The following SARS2 variants were observed in gnomAD, a reference collection of about 807,000 sequenced individuals.
SARS2 encodes the protein seryl-tRNA synthetase 2, mitochondrial, also known as serine--tRNA ligase, mitochondrial.
A neutral mutation model predicts 66.8 loss-of-function variants in SARS2; 52 were observed. That is an observed-to-expected ratio of 0.78 (90% CI 0.62 to 0.98). The LOEUF (loss-of-function observed/expected upper bound fraction) is 0.98, where lower values mean the gene tolerates loss of function less well. SARS2 is among the 50% of genes least tolerant of loss of function. SARS2 has a pLI of 0.00. For synonymous variants in SARS2, 306 were observed against 281.4 expected (o/e 1.09, Z -0.87); for missense variants, 673 against 706.3 (o/e 0.95, Z 0.53).
rs761305168 is a variant in SARS2 at position 38,919,842 on chromosome 19, G to T, written c.679C>A (p.Arg227=). Reference sequence around the variant, plus strand: ...CCAGCCCCGCGCAGGTAATAGGACCGGTGGCCAGACACGTGGGACAGGCGC... The same window carrying T: ...CCAGCCCCGCGCAGGTAATAGGACCTGTGGCCAGACACGTGGGACAGGCGC... The part of the protein sequence containing the change: ...QKRLSHVSGH[R]SYYLRGAGAL... The change falls in exon 7 of 16, where the codon CGG becomes AGG. Residue 227 remains arginine (R), a synonymous_variant. Coordinates refer to ENST00000221431, the MANE Select transcript of SARS2 (RefSeq NM_017827.4). 5.0e-6 allele frequency: 8 copies of T among 1,614,002 alleles called. No individual in the cohort carries two copies. The African/African-American group carries it at 1.1e-4, about 22-fold the overall frequency.
At position 38,916,909 on chromosome 19, in the gene SARS2, T is replaced by C. The variant is rs575164773; in HGVS notation, c.1161-595A>G. ...AACTCCTGACCTCAGGTGATCCGCC[T>C]GTCCCGGCCTCCCAAAGTGCTGGGA... is the stretch of plus-strand genomic sequence containing the variant. On this transcript the variant is annotated intron_variant, in intron 12 of 15. Transcript: ENST00000221431. Among the ~76,000 whole-genome samples the C allele has an allele frequency of 3.9e-5, 6 of 151,952 alleles. No homozygotes were observed. In the East Asian group the frequency reaches 9.7e-4, roughly 25 times the overall value.
In SARS2 at chr19:38,921,683, G is replaced by A. The variant is rs1053160641; in HGVS notation, c.394-16C>T. On this transcript the variant is annotated splice_polypyrimidine_tract_variant and intron_variant, in intron 3 of 15. Coordinates refer to ENST00000221431, the MANE Select transcript of SARS2 (RefSeq NM_017827.4). Reference sequence around the variant, plus strand: ...ACTTGGGGTCCTGGGGGCAGCACAGGTGGGCTCAGCCCGGGAGAGGGTCAG... The same window carrying A: ...ACTTGGGGTCCTGGGGGCAGCACAGATGGGCTCAGCCCGGGAGAGGGTCAG... The A allele has an allele frequency of 6.2e-7, 1 of 1,613,884 alleles. No individual in the cohort carries two copies. Among genetic ancestry groups the A allele is most frequent in the Admixed American group, 1.7e-5 (1 of 60,014 alleles).
Position 38,922,250 on chromosome 19 carries a change from A to C in SARS2, c.381T>G (p.Gly127=). 1 of 1,613,842 alleles carries C rather than the reference A, an allele frequency of 6.2e-7. No homozygotes were observed. Among genetic ancestry groups the C allele is most frequent in the Non-Finnish European group, 8.5e-7 (1 of 1,179,964 alleles). Residue 127 remains glycine, a synonymous_variant, in exon 3 of 16, where the codon GGT becomes GGG. Transcript: ENST00000221431. ...CTCTTCACAGTACCTGCTGCACTTCACCACTGTCCTGGTTTGCCTGGTAGA... is the reference window on the plus strand; with the variant it reads ...CTCTTCACAGTACCTGCTGCACTTCCCCACTGTCCTGGTTTGCCTGGTAGA... The part of the protein sequence containing the change: ...VRALLANQDS[G]EVQQDPKYQG...
intron 12 of SARS2, 143 bp downstream of exon 12, chr19:38,917,581 A>G (rs1488145986): frequency 5.6e-6 from 4 of 715,872 alleles, no homozygotes; most frequent in Non-Finnish European, 1.0e-5. Flanking sequence ...GATCCTGTAT[A>G]TGCTCCTGTA....
intron 1 of SARS2, chr19:38,930,180 G>A (rs769310102): frequency 9.6e-6 from 4 of 416,868 alleles, no homozygotes; most frequent in South Asian, 6.9e-5. Flanking sequence ...CAGCACGGAG[G>A]GCAATGTCAC....
intron 5 of SARS2, among the ~76,000 whole-genome samples, chr19:38,920,532 AG>A (rs931977739): frequency 4.6e-5 from 7 of 151,960 alleles, no homozygotes; most frequent in African/African-American, 1.4e-4. Flanking sequence ...GGACCAAAGC[AG>A]GGGGGTCAGA....
intron 9 of SARS2, 119 bp downstream of exon 9, chr19:38,918,303 T>C: frequency 8.6e-7 from 1 of 1,167,006 alleles, no homozygotes; most frequent in Non-Finnish European, 1.3e-6. Flanking sequence ...GCCGTACATG[T>C]TGGCCCTGGG....
At chr19:38,926,501 A>G (rs1402020904) in intron 1 of SARS2, among the ~76,000 whole-genome samples, 1 of 152,206 alleles carries the variant, frequency 6.6e-6, no homozygotes, top group Non-Finnish European at 1.5e-5. Context: ...ATTCAGACAC[A>G]CTGGCCGAGC....
chr19:38,929,705 T>C (rs1033885230), intron 1 of SARS2, among the ~76,000 whole-genome samples: 2 of 151,670 alleles, frequency 1.3e-5, no homozygotes, highest in Admixed American at 6.6e-5. Context: ...ATGGGAGAAA[T>C]AATGGCACCT....
chr19:38,923,588 A>G (rs1053494157), intron 2 of SARS2, among the ~76,000 whole-genome samples: 4 of 152,004 alleles, frequency 2.6e-5, no homozygotes, highest in Admixed American at 2.6e-4. Context: ...TAATCTCAGC[A>G]CTTTGGGAGG....
rs1376235076 is a variant in SARS2 at position 38,919,760 on chromosome 19, AC to A, written c.759+1del. 4 of 1,613,584 alleles carry A rather than the reference AC, an allele frequency of 2.5e-6. No homozygotes were observed. Among genetic ancestry groups the A allele is most frequent in the Non-Finnish European group, 2.5e-6 (3 of 1,179,504 alleles). On this transcript the variant is annotated splice_donor_variant, in intron 7 of 15. Coordinates refer to ENST00000221431, the MANE Select transcript of SARS2 (RefSeq NM_017827.4). LOFTEE classifies it high-confidence loss of function. The stretch of plus-strand genomic sequence containing the variant: ...AGGCAGCCCTCCTATCTTGGCCCAT[AC>A]CCGGCGGAGAAGCTTGTTGAATGTG...
chr19:38,930,646 T>C lies in SARS2; in HGVS notation c.91A>G (p.Arg31Gly), dbSNP rs138274440. The part of the protein sequence containing the change: ...RGGCISNDSP[R>G]RSFTTEKRNR... ...CGTTTCTCTGTAGTGAAACTTCTCC[T>C]TGGACTATCGTTGGAGATGCAGCCT... The change falls in exon 1 of 16, where the codon AGG becomes GGG. Residue 31 changes from arginine (R) to glycine (G), a missense_variant. Physicochemically the swap from Arg to Gly is moderately radical, Grantham distance 125. Transcript: ENST00000221431. The C allele has an allele frequency of 1.5e-5, 24 of 1,614,034 alleles. No homozygotes were observed. The highest frequency in any genetic ancestry group is 6.6e-5 in the South Asian group (6 of 91,092).
intron 7 of SARS2, 102 bp from the exon 8 acceptor site, chr19:38,918,915 A>T (rs1373165436): frequency 1.7e-6 from 2 of 1,202,966 alleles, no homozygotes; most frequent in Non-Finnish European, 2.4e-6. Flanking sequence ...TCCTCAGACG[A>T]AACTGAGGCA....
rs1272630482 is a variant in SARS2 at position 38,919,796 on chromosome 19, A to T, written c.725T>A (p.Leu242Gln). Residue 242 changes from leucine to glutamine, a missense_variant, in exon 7 of 16, where the codon CTG (leucine) becomes CAG (glutamine). By Grantham distance (113) the Leu-to-Gln change is moderately radical. Transcript: ENST00000221431. ...RGAGALLQHG[L>Q]VNFTFNKLLR... is the part of the protein sequence containing the mutation. ...AAGCTTGTTGAATGTGAAGTTGACC[A>T]GGCCGTGCTGCAGGAGGGCTCCAGC... 1.2e-6 allele frequency: 2 copies of T among 1,614,032 alleles called. No homozygotes were observed. The highest frequency in any genetic ancestry group is 1.7e-6 in the Non-Finnish European group (2 of 1,180,026).
At chr19:38,922,162 T>C (rs1294398499) in intron 3 of SARS2, 76 bp downstream of exon 3, 10 of 1,598,286 alleles carry the variant, frequency 6.3e-6, no homozygotes, top group African/African-American at 2.7e-5. Context: ...TCTGTTACAA[T>C]AGTAGAATCG....
intron 5 of SARS2, among the ~76,000 whole-genome samples, 198 bp downstream of exon 5, chr19:38,921,194 G>A (rs547972547): frequency 1.2e-3 from 176 of 152,310 alleles, no homozygotes; most frequent in Middle Eastern, 6.8e-3. Flanking sequence ...GGTGAAGGGG[G>A]AGAGAATGAA....
Position 38,918,417 on chromosome 19 carries a change from C to T in SARS2, c.916+5G>A. 1 of 1,611,608 alleles carries T rather than the reference C, an allele frequency of 6.2e-7. No individual in the cohort carries two copies. Among genetic ancestry groups the T allele is most frequent in the Non-Finnish European group, 8.5e-7 (1 of 1,177,674 alleles). On this transcript the variant is annotated splice_donor_5th_base_variant and intron_variant, in intron 9 of 15. Coordinates refer to ENST00000221431, the MANE Select transcript of SARS2 (RefSeq NM_017827.4). ...CTCCTCCCCACCACCCACACAGGTC[C>T]TCACCTGCAAGCCCCACCTCCGCTG...
chr19:38,922,103 A>C, intron 3 of SARS2, 135 bp downstream of exon 3: 3 of 1,603,210 alleles, frequency 1.9e-6, no homozygotes, highest in Non-Finnish European at 1.7e-6. Context: ...AGTTTCATGC[A>C]TCAATAGAGC....
At chr19:38,925,389 TAGCCTGTAGTTC>T (rs1974609759) in intron 2 of SARS2, among the ~76,000 whole-genome samples, 2 of 152,318 alleles carry the variant, frequency 1.3e-5, no homozygotes, top group Admixed American at 1.3e-4. Context: ...CCTTCCCTGG[TAGCCTGTAGTTC>T]AGGGGAAGTG....
Sources: gnomAD v4.1 joint callset for allele counts (sites outside exome capture counted in the v4.1 genomes callset) on GRCh38, gnomAD v4.1.1 for gene constraint, MANE v1.5 for transcripts, NCBI Gene and HGNC (gene_info 2026-07-23, HGNC 2026-07-21) for gene names.